Variants in ADPRHL1 observed in about 807,000 individuals in gnomAD.
ADPRHL1 encodes the protein inactive ADP-ribosyltransferase ARH2.
Under a neutral mutation model 44.1 loss-of-function variants are expected in ADPRHL1, and 43 were observed. The ratio of observed to expected loss-of-function variants is 0.98; its 90% CI spans 0.76 to 1.26. The LOEUF is 1.26. Among genes scored for constraint, ADPRHL1 ranks in the 50% most tolerant of loss-of-function variants. The pLI is 0.00. For missense variants in ADPRHL1, 2,022 were observed against 2,496.9 expected, an observed-to-expected ratio of 0.81 and a Z score of 4.05; for synonymous variants, 878 against 1,017.4, an observed-to-expected ratio of 0.86 and a Z score of 2.61.
intron 7 of ADPRHL1, among the ~76,000 whole-genome samples, chr13:113,416,557 G>A (rs577194723): frequency 1.3e-5 from 2 of 152,230 alleles, no homozygotes; most frequent in South Asian, 4.2e-4. Flanking sequence ...ACTGCCTAGG[G>A]TCCCTCAGTA....
intron 2 of ADPRHL1, among the ~76,000 whole-genome samples, chr13:113,444,002 G>A (rs1320974567): frequency 6.6e-6 from 1 of 152,128 alleles, no homozygotes; most frequent in Non-Finnish European, 1.5e-5. Flanking sequence ...AAACAAAAAG[G>A]CAAGGCATAC....
intron 4 of ADPRHL1, 146 bp downstream of exon 4, chr13:113,428,806 G>C: frequency 1.5e-6 from 2 of 1,300,698 alleles, no homozygotes; most frequent in Non-Finnish European, 2.1e-6. Flanking sequence ...TGCCTTGCGA[G>C]GCCAGCTCTG....
chr13:113,410,120 A>G, intron 7 of ADPRHL1: 1 of 985,372 alleles, frequency 1.0e-6, no homozygotes, highest in Non-Finnish European at 1.2e-6. Flanking sequence ...TGGGCACGCG[A>G]TGACCCAGGG....
rs1839015273 is a variant in ADPRHL1, at chr13:113,405,517, C to T, written c.3765G>A (p.Leu1255=). 4.1e-6 allele frequency: 5 copies of T among 1,232,110 alleles called. No individual in the cohort carries two copies. Among genetic ancestry groups the T allele is most frequent in the Non-Finnish European group, 5.1e-6 (5 of 988,278 alleles). The allele number at this position is 1,232,110 out of a possible 1,614,324, so 76.3% of individuals were successfully genotyped here. ...GAATTCCAGACTCTGTGCTGAAACCCAAAAGGTTTCCTTCCACAGCCACAT... is the reference window on the plus strand; with the variant it reads ...GAATTCCAGACTCTGTGCTGAAACCTAAAAGGTTTCCTTCCACAGCCACAT... The part of the protein sequence containing the change: ...RKDVAVEGNL[L]GFSTESGIPA... Residue 1255 remains leucine (L), a synonymous_variant, in exon 8 of 8, where the codon TTG becomes TTA. Transcript: ENST00000612156.
At chr13:113,414,339 T>C (rs2043876112) in intron 7 of ADPRHL1, among the ~76,000 whole-genome samples, 1 of 152,214 alleles carries the variant, frequency 6.6e-6, no homozygotes, top group Non-Finnish European at 1.5e-5. Context: ...ACCAGAGGCC[T>C]GCACTGCCAT....
intron 4 of ADPRHL1, among the ~76,000 whole-genome samples, chr13:113,426,290 C>T (rs374268806): frequency 9.5e-4 from 144 of 152,314 alleles, no homozygotes; most frequent in Non-Finnish European, 2.1e-4. Context: ...GCCTGCCTTA[C>T]GGTGAGCACC....
In ADPRHL1 at chr13:113,406,166, G is replaced by C; in HGVS notation, c.3116C>G (p.Pro1039Arg). ...CTTGGATGATGCCGCCAGTGACGTG[G>C]GGGCTCCTGTTGGGTTTCTCCCAGT... Reference protein sequence around the residue: ...SPTGRNPTGAPTSLAASSKGR... With the variant: ...SPTGRNPTGARTSLAASSKGR... Residue 1039 changes from proline to arginine, a missense_variant, in exon 8 of 8, where the codon CCC becomes CGC. Pro to Arg is a moderately radical substitution (Grantham distance 103). Around this residue, in one of 8 missense-constraint regions of ADPRHL1, gnomAD observed 1,221 missense variants for 1,517.8 expected, o/e 0.80. Transcript: ENST00000612156. The C allele has an allele frequency of 8.1e-7, 1 of 1,232,160 alleles. No individual in the cohort carries two copies. The highest frequency in any genetic ancestry group is 1.0e-6 in the Non-Finnish European group (1 of 987,994). 76.3% of individuals were successfully genotyped at this position (1,232,160 alleles called of 1,614,324 possible).
chr13:113,444,654 C>G, intron 1 of ADPRHL1, 65 bp from the exon 2 acceptor site: 1 of 1,553,842 alleles, frequency 6.4e-7, no homozygotes, highest in Non-Finnish European at 8.8e-7. Context: ...CTCCCTCCCG[C>G]GGGGTCAGGC....
chr13:113,424,793 T>TCC (rs1566473017), intron 5 of ADPRHL1, among the ~76,000 whole-genome samples: 1 of 18,742 alleles, frequency 5.3e-5, no homozygotes, highest in Non-Finnish European at 1.1e-4. Context: ...CCCATCCATA[T>TCC]ACCCACCCAC....
At position 113,440,067 on chromosome 13, in the gene ADPRHL1, T is replaced by C. The variant is rs545465523; in HGVS notation, c.379+4358A>G. Among the ~76,000 whole-genome samples, 49 of 152,336 alleles carry C rather than the reference T, an allele frequency of 3.2e-4. No homozygotes were observed. In the South Asian group the frequency reaches 0.01, roughly 32 times the overall value. On this transcript the variant is annotated intron_variant, in intron 2 of 7. Transcript: ENST00000612156. ...AATTTGCTCTACTCTTTTTCTGTTT[T>C]CAATCATTGATTTTCATGCTGATCT...
chr13:113,432,133 T>TG (rs1240462380), intron 3 of ADPRHL1, among the ~76,000 whole-genome samples: 1 of 151,986 alleles, frequency 6.6e-6, no homozygotes, highest in East Asian at 1.9e-4. Context: ...CAGCTTTTTT[T>TG]TTGTTTTTGA....
rs1347869263 is a variant in ADPRHL1, at chr13:113,433,808, C to T, written c.439G>A (p.Glu147Lys). 11 of 1,585,260 alleles carry T rather than the reference C, an allele frequency of 6.9e-6. No individual in the cohort carries two copies. Among genetic ancestry groups the T allele is most frequent in the East Asian group, 2.3e-5 (1 of 43,052 alleles). The stretch of plus-strand genomic sequence containing the variant: ...ACCTCGATGAGGGTCTCCAGCCGCT[C>T]AGGCTTCCAGTACCGCAGGCCGATG... ...MCIGLRYWKPERLETLIEVSV... is the reference protein window; with the variant it reads ...MCIGLRYWKPKRLETLIEVSV... Residue 147 changes from glutamate to lysine, a missense_variant, in exon 3 of 8, where the codon GAG (glutamate) becomes AAG (lysine). This residue lies in a region of ADPRHL1 where 437 missense variants were observed against 430.7 expected (regional missense o/e 1.01). Transcript: ENST00000612156.
chr13:113,404,400 C>G lies in ADPRHL1; in HGVS notation c.4882G>C (p.Ala1628Pro). 2 of 1,329,484 alleles carry G rather than the reference C, an allele frequency of 1.5e-6. No individual in the cohort carries two copies. Among genetic ancestry groups the G allele is most frequent in the South Asian group, 4.5e-5 (2 of 44,694 alleles). The allele number at this position is 1,329,484 out of a possible 1,614,324, so 82.4% of individuals were successfully genotyped here. A position where few individuals can be genotyped will look rare whatever the true frequency, so the allele number is the denominator to read the frequency against. ...GCCCCTTTCTGGGTCTGTTCCTGAG[C>G]CCATTTCTGGGCCTTTATCTGGGTC... ...WQTQIKAQKWAQEQTQKGAQE... is the reference protein window; with the variant it reads ...WQTQIKAQKWPQEQTQKGAQE... The change falls in exon 8 of 8, where the codon GCT becomes CCT. Residue 1628 changes from alanine (A) to proline (P), a missense_variant. By Grantham distance (27) the Ala-to-Pro change is conservative (BLOSUM62 -1). Coordinates refer to ENST00000612156, the MANE Select transcript of ADPRHL1 (RefSeq NM_001394807.1).
intron 3 of ADPRHL1, among the ~76,000 whole-genome samples, chr13:113,429,409 G>C (rs1438000647): frequency 6.6e-6 from 1 of 152,238 alleles, no homozygotes; most frequent in African/African-American, 2.4e-5. Context: ...GCTCCTCGTG[G>C]GACCGCACGC....
intron 3 of ADPRHL1, among the ~76,000 whole-genome samples, chr13:113,431,126 C>A (rs1435605569): frequency 1.3e-5 from 2 of 152,148 alleles, no homozygotes; most frequent in African/African-American, 4.8e-5. Flanking sequence ...GCTGTCACGG[C>A]GCCATTGGCC....
In ADPRHL1 at chr13:113,407,201, A is replaced by G. The variant is rs1430212958; in HGVS notation, c.2081T>C (p.Met694Thr). ...RPSKPVTPQV[M>T]AQRDGHAVPS... ...GACAGCGTGGCCGTCCCTCTGAGCC[A>G]TCACCTGGGGTGTCACGGGCTTCGA... Residue 694 changes from methionine (M) to threonine (T), a missense_variant, in exon 8 of 8, where the codon ATG (methionine) becomes ACG (threonine). This residue lies in a region of ADPRHL1 where 1,221 missense variants were observed against 1,517.8 expected (regional missense o/e 0.80). Transcript: ENST00000612156. 13 of 1,232,128 alleles carry G rather than the reference A, an allele frequency of 1.1e-5. No individual in the cohort carries two copies. Among genetic ancestry groups the G allele is most frequent in the Admixed American group, 4.2e-5 (1 of 23,710 alleles). The allele number at this position is 1,232,128 out of a possible 1,614,324, so 76.3% of individuals were successfully genotyped here.
chr13:113,436,416 G>A (rs74489113), intron 2 of ADPRHL1, among the ~76,000 whole-genome samples: 407 of 1,420 alleles, frequency 0.29, 83 homozygotes, highest in East Asian at 0.42. Context: ...CCAGGTGTAG[G>A]GTGAACATAG....
chr13:113,443,083 A>G (rs996773147), intron 2 of ADPRHL1, among the ~76,000 whole-genome samples: 1 of 152,142 alleles, frequency 6.6e-6, no homozygotes, highest in African/African-American at 2.4e-5. Context: ...GAACACATGG[A>G]GTATCTGGCA....
chr13:113,440,230 G>C (rs529436057), intron 2 of ADPRHL1, among the ~76,000 whole-genome samples: 126 of 152,224 alleles, frequency 8.3e-4, no homozygotes, highest in African/African-American at 2.9e-3. Context: ...TCTCTAGTTC[G>C]CTTTGCAGCA....
Sources: allele counts gnomAD v4.1 joint callset (sites outside exome capture counted in the v4.1 genomes callset), GRCh38; gene constraint gnomAD v4.1.1; regional missense constraint gnomAD v4.1.1; transcripts MANE v1.5; gene names NCBI Gene and HGNC (gene_info 2026-07-23, HGNC 2026-07-21).